SLC9A6: variants seen among roughly 807,000 people sequenced by gnomAD.
SLC9A6 encodes the protein sodium/hydrogen exchanger 6.
In SLC9A6, 6 loss-of-function variants were observed where a neutral mutation model predicts 45.3. The ratio of observed to expected loss-of-function variants is 0.13; its 90% CI spans 0.07 to 0.26. SLC9A6 has a LOEUF of 0.26. Ranked by LOEUF, SLC9A6 falls within the 10% of genes least tolerant of loss-of-function variation. SLC9A6 has a pLI of 1.00. For missense variants in SLC9A6, 278 were observed against 503.7 expected, an observed-to-expected ratio of 0.55 and a Z score of 4.29; for synonymous variants, 191 against 187.7, an observed-to-expected ratio of 1.02 and a Z score of -0.14.
rs2148129457 is a variant in SLC9A6, at chrX:135,985,572, C to T, written c.-56-31C>T. ...CGGCAGCAGTCCCCGAGCCCGCAGGCTCATGCGGCCCCTTTGGTTGCTCCT... is the reference window on the plus strand; with the variant it reads ...CGGCAGCAGTCCCCGAGCCCGCAGGTTCATGCGGCCCCTTTGGTTGCTCCT... On this transcript the variant is annotated intron_variant, in intron 1 of 17. Coordinates refer to ENST00000630721, the MANE Select transcript of SLC9A6 (RefSeq NM_001379110.1). The T allele has an allele frequency of 8.3e-7, 1 of 1,202,392 alleles. No individual in the cohort carries two copies. Among genetic ancestry groups the T allele is most frequent in the Admixed American group, 2.2e-5 (1 of 45,740 alleles).
chrX:136,030,208 A>G (rs201236618), intron 15 of SLC9A6, 46 bp downstream of exon 15: 2 of 1,130,787 alleles, frequency 1.8e-6, no homozygotes, highest in East Asian at 6.0e-5. Context: ...TCAAATGTGC[A>G]GTCATTTGGA....
chrX:136,030,184 TC>T (rs782324673), intron 15 of SLC9A6, 22 bp downstream of exon 15: 13 of 1,192,920 alleles, frequency 1.1e-5, no homozygotes, highest in Admixed American at 4.4e-5. Flanking sequence ...TTTTTGTTGT[TC>T]CTGGCATTTC....
intron 2 of SLC9A6, among the ~76,000 whole-genome samples, chrX:135,988,942 C>T (rs1392395444): frequency 9.1e-6 from 1 of 110,291 alleles, no homozygotes; most frequent in African/African-American, 3.3e-5. Flanking sequence ...TTTTCTAGTC[C>T]TATTTATTGT....
intron 7 of SLC9A6, 98 bp from the exon 8 acceptor site, chrX:136,010,344 C>T: frequency 7.9e-6 from 7 of 885,761 alleles, no homozygotes; most frequent in Admixed American, 2.5e-5. Flanking sequence ...GCTTGTTTTT[C>T]TTCTCCCTCT....
chrX:136,033,401 T>G lies in SLC9A6; in HGVS notation c.1582-13T>G. 9.1e-7 allele frequency: 1 copy of G among 1,100,930 alleles called. No individual in the cohort carries two copies. The highest frequency in any genetic ancestry group is 1.2e-6 in the Non-Finnish European group (1 of 801,988). The allele number at this position is 1,100,930 out of a possible 1,213,427, so 90.7% of individuals were successfully genotyped here. A position where few individuals can be genotyped will look rare whatever the true frequency, so the allele number is the denominator to read the frequency against. On this transcript the variant is annotated splice_polypyrimidine_tract_variant and intron_variant, in intron 15 of 17. Transcript: ENST00000630721. ...TTTGTATAGATATTGATTTCTGTAT[T>G]ATCTATCTGCAGGGTGTTCCTGAAA...
chrX:136,010,594 G>A lies in SLC9A6; in HGVS notation c.885+11G>A. On this transcript the variant is annotated intron_variant, in intron 8 of 17. Coordinates refer to ENST00000630721, the MANE Select transcript of SLC9A6 (RefSeq NM_001379110.1). ...GTGGTGACAGCTTTAATATCCTTTT[G>A]TTATATTTATCTTTTCTTGTTAACA... is the stretch of plus-strand genomic sequence containing the variant. The A allele has an allele frequency of 8.3e-7, 1 of 1,199,784 alleles. No individual in the cohort carries two copies. Among genetic ancestry groups the A allele is most frequent in the Non-Finnish European group, 1.1e-6 (1 of 884,881 alleles).
intron 16 of SLC9A6, 46 bp downstream of exon 16, chrX:136,033,539 A>G (rs373280459): frequency 9.1e-6 from 7 of 765,812 alleles, no homozygotes; most frequent in South Asian, 2.1e-5. Context: ...GTGGACATAG[A>G]TAATTACAGT....
intron 7 of SLC9A6, among the ~76,000 whole-genome samples, chrX:136,003,241 G>A (rs1226302414): frequency 4.6e-5 from 5 of 109,706 alleles, no homozygotes; most frequent in African/African-American, 1.3e-4. Flanking sequence ...TGCCCGCCTC[G>A]GCCTCCCAAA....
At chrX:136,005,678 CAA>C (rs368832440) in intron 7 of SLC9A6, among the ~76,000 whole-genome samples, 5 of 83,276 alleles carry the variant, frequency 6.0e-5, no homozygotes, top group Admixed American at 4.2e-4. Flanking sequence ...GAGACTGTCT[CAA>C]AAAAAAAAAA....
intron 7 of SLC9A6, among the ~76,000 whole-genome samples, chrX:136,005,599 T>A (rs1269314159): frequency 1.8e-5 from 2 of 108,766 alleles, no homozygotes; most frequent in African/African-American, 3.4e-5. Flanking sequence ...GAGAATTTCT[T>A]GAACCCAGGA....
intron 1 of SLC9A6, among the ~76,000 whole-genome samples, chrX:135,979,887 TC>T (rs1484749877): frequency 9.0e-6 from 1 of 111,415 alleles, no homozygotes; most frequent in Non-Finnish European, 1.9e-5. Context: ...CACCTCAGCC[TC>T]CCGAGTAGCT....
intron 2 of SLC9A6, among the ~76,000 whole-genome samples, chrX:135,987,000 A>G (rs1179799630): frequency 1.8e-5 from 2 of 111,322 alleles, no homozygotes; most frequent in African/African-American, 3.3e-5. Flanking sequence ...ACATTGCTCC[A>G]TGCAAACCCC....
chrX:136,001,073 C>T (rs1438257856), intron 6 of SLC9A6, among the ~76,000 whole-genome samples: 1 of 110,906 alleles, frequency 9.0e-6, no homozygotes, highest in Admixed American at 9.6e-5. Flanking sequence ...TGGTGGCTCA[C>T]GCTTGTAATC....
intron 11 of SLC9A6, among the ~76,000 whole-genome samples, chrX:136,018,927 T>C (rs2071072651): frequency 9.0e-6 from 1 of 111,298 alleles, no homozygotes; most frequent in Non-Finnish European, 1.9e-5. Context: ...GAGAAGTTCT[T>C]AGCTGAAAGA....
intron 11 of SLC9A6, among the ~76,000 whole-genome samples, chrX:136,017,707 A>C (rs2071046745): frequency 9.0e-6 from 1 of 111,663 alleles, no homozygotes; most frequent in Non-Finnish European, 1.9e-5. Context: ...TAAGATAGGG[A>C]GTTATCTATT....
At chrX:135,974,501 A>C (rs868996151), upstream of SLC9A6, 1 of 100,724 alleles carries the variant, frequency 9.9e-6, no homozygotes, top group Non-Finnish European at 2.2e-5. Flanking sequence ...GAGGGGCGGG[A>C]GGAGGTGGGG....
At chrX:135,997,406 T>A in intron 3 of SLC9A6, among the ~76,000 whole-genome samples, 1 of 88,536 alleles carries the variant, frequency 1.1e-5, no homozygotes, top group Non-Finnish European at 2.3e-5. Context: ...CTCTTTTTTT[T>A]TTTTTTTTTT....
intron 3 of SLC9A6, among the ~76,000 whole-genome samples, chrX:135,997,665 C>T (rs2089525578): frequency 9.1e-6 from 1 of 109,659 alleles, no homozygotes; most frequent in Admixed American, 9.8e-5. Context: ...ATCCGCCCAC[C>T]TCCGCCTCCC....
rs2071598799 is a variant in SLC9A6 at position 136,046,375 on chromosome X, C to T, written c.*1651C>T. On this transcript the variant is annotated 3_prime_UTR_variant, in exon 18 of 18. Coordinates refer to ENST00000630721, the MANE Select transcript of SLC9A6 (RefSeq NM_001379110.1). ...ATAGCCATTTGTTATGTAGTGGTAG[C>T]GACTTTCCTGCTATGCAGGAATCCC... 8.9e-6 allele frequency: 1 copy of T among 112,351 alleles called. No individual in the cohort carries two copies. The highest frequency in any genetic ancestry group is 3.2e-5 in the African/African-American group (1 of 30,780). The allele number at this position is 112,351 out of a possible 1,213,427, so 9.3% of individuals were successfully genotyped here. A position where few individuals can be genotyped will look rare whatever the true frequency, so the allele number is the denominator to read the frequency against.
Sources: allele counts gnomAD v4.1 joint callset (sites outside exome capture counted in the v4.1 genomes callset), GRCh38; gene constraint gnomAD v4.1.1; transcripts MANE v1.5; gene names NCBI Gene and HGNC (gene_info 2026-07-23, HGNC 2026-07-21).